The following LIMS1 variants were observed in gnomAD, a reference collection of about 807,000 sequenced individuals.
LIMS1 encodes LIM and senescent cell antigen-like-containing domain protein 1.
In LIMS1, 18 loss-of-function variants were observed where a neutral mutation model predicts 44.1. The ratio of observed to expected loss-of-function variants is 0.41; its 90% confidence interval spans 0.28 to 0.61. The LOEUF is 0.61. Among genes scored for constraint, LIMS1 ranks in the 20% least tolerant of loss-of-function variants. LIMS1 has a pLI of 0.32. For missense variants in LIMS1, 201 were observed against 422.0 expected (o/e 0.48, Z 4.59); for synonymous variants, 93 against 149.1 (o/e 0.62, Z 2.74).
At chr2:108,577,304 C>T (rs887555754) in intron 1 of LIMS1, among the ~76,000 whole-genome samples, 3 of 152,228 alleles carry the variant, frequency 2.0e-5, no homozygotes, top group Admixed American at 6.5e-5. Context: ...GTGATGAACC[C>T]GGTAAGGCCT....
At chr2:108,639,520 T>C (rs1689521158) in intron 1 of LIMS1, among the ~76,000 whole-genome samples, 1 of 152,252 alleles carries the variant, frequency 6.6e-6, no homozygotes, top group African/African-American at 2.4e-5. Flanking sequence ...TTGCGCCATC[T>C]CAGCTCATTG....
chr2:108,679,592 A>G (rs1692810277), intron 8 of LIMS1, among the ~76,000 whole-genome samples: 1 of 152,204 alleles, frequency 6.6e-6, no homozygotes, highest in Non-Finnish European at 1.5e-5. Flanking sequence ...TAGAAACAGT[A>G]TCCTGCACAT....
chr2:108,603,167 TC>T (rs1687099937), intron 1 of LIMS1, among the ~76,000 whole-genome samples: 1 of 152,192 alleles, frequency 6.6e-6, no homozygotes, highest in Non-Finnish European at 1.5e-5. Flanking sequence ...TTGGAAGTAT[TC>T]CCCTCTCCTC....
At chr2:108,621,421 G>C in intron 1 of LIMS1, 2 of 1,551,204 alleles carry the variant, frequency 1.3e-6, no homozygotes, top group South Asian at 2.4e-5. Context: ...AGATCGCCCC[G>C]ATAGTTTGAG....
intron 1 of LIMS1, among the ~76,000 whole-genome samples, chr2:108,610,857 C>T (rs1235472796): frequency 6.6e-6 from 1 of 152,104 alleles, no homozygotes; most frequent in Non-Finnish European, 1.5e-5. Flanking sequence ...TTAAAATAAA[C>T]CTTATTTTGG....
intron 1 of LIMS1, among the ~76,000 whole-genome samples, chr2:108,592,992 G>T (rs1486445144): frequency 1.3e-5 from 2 of 152,074 alleles, no homozygotes; most frequent in Non-Finnish European, 2.9e-5. Context: ...TGTAAACATG[G>T]GTGTACACAT....
intron 2 of LIMS1, among the ~76,000 whole-genome samples, chr2:108,661,511 G>A (rs918698687): frequency 3.3e-5 from 5 of 152,058 alleles, no homozygotes; most frequent in Admixed American, 3.3e-4. Flanking sequence ...AGCAGGAGAG[G>A]CCAATGTACC....
chr2:108,550,698 C>A (rs1337269689), intron 1 of LIMS1, among the ~76,000 whole-genome samples: 6 of 151,148 alleles, frequency 4.0e-5, no homozygotes, highest in Non-Finnish European at 5.9e-5. Flanking sequence ...TGCCTGTAGT[C>A]CCAGTTACTC....
At chr2:108,676,369 C>G (rs910058985) in intron 6 of LIMS1, among the ~76,000 whole-genome samples, 1 of 152,136 alleles carries the variant, frequency 6.6e-6, no homozygotes, top group African/African-American at 2.4e-5. Context: ...TACTGAGATG[C>G]TCACCTCTAT....
At chr2:108,626,916 G>A (rs577515725) in intron 1 of LIMS1, among the ~76,000 whole-genome samples, 4 of 152,290 alleles carry the variant, frequency 2.6e-5, no homozygotes, top group Admixed American at 2.0e-4. Context: ...TGCATAAAAC[G>A]TTTCAGTCAA....
chr2:108,636,097 G>A (rs1056411689), intron 1 of LIMS1, among the ~76,000 whole-genome samples: 5 of 152,214 alleles, frequency 3.3e-5, no homozygotes, highest in African/African-American at 1.2e-4. Flanking sequence ...AAAGAGTATA[G>A]GAATAGCCGC....
chr2:108,572,218 C>T (rs1377455619), intron 1 of LIMS1, among the ~76,000 whole-genome samples: 1 of 151,888 alleles, frequency 6.6e-6, no homozygotes, highest in Non-Finnish European at 1.5e-5. Context: ...ACTGTTCTCT[C>T]CCTTACTTAA....
chr2:108,599,286 A>G (rs1040079508), intron 1 of LIMS1, among the ~76,000 whole-genome samples: 7 of 152,146 alleles, frequency 4.6e-5, no homozygotes, highest in Non-Finnish European at 1.0e-4. Context: ...GTGAGAACAA[A>G]TGATGTTTGT....
exon 1 of LIMS1, chr2:108,534,431 G>C (rs1015033616): frequency 4.9e-6 from 3 of 611,176 alleles, no homozygotes; most frequent in East Asian, 5.9e-5. Flanking sequence ...CCGCGCGGCC[G>C]GCCCCTGGCC....
chr2:108,550,233 C>T (rs1383691942), intron 1 of LIMS1, among the ~76,000 whole-genome samples: 1 of 151,060 alleles, frequency 6.6e-6, no homozygotes, highest in Non-Finnish European at 1.5e-5. Flanking sequence ...CGGTGGCTCA[C>T]CCCTGTAATC....
chr2:108,654,641 T>C (rs1273825164), intron 1 of LIMS1, among the ~76,000 whole-genome samples: 2 of 152,084 alleles, frequency 1.3e-5, no homozygotes, highest in South Asian at 4.2e-4. Flanking sequence ...TTTTACAAGG[T>C]CTCCAAAAGC....
chr2:108,536,879 C>A (rs774893162), intron 1 of LIMS1, among the ~76,000 whole-genome samples: 1 of 152,190 alleles, frequency 6.6e-6, no homozygotes, highest in Non-Finnish European at 1.5e-5. Flanking sequence ...AGCCACTGTG[C>A]TCAGCCTGTC....
chr2:108,637,124 T>C (rs1689326524), intron 1 of LIMS1, among the ~76,000 whole-genome samples: 1 of 151,422 alleles, frequency 6.6e-6, no homozygotes, highest in Admixed American at 6.6e-5. Context: ...TGTGTGTGTG[T>C]GTGTGTGTGT....
At chr2:108,598,582 T>C (rs185536568) in intron 1 of LIMS1, among the ~76,000 whole-genome samples, 2,732 of 151,960 alleles carry the variant, frequency 0.018, 45 homozygotes, top group African/African-American at 0.039. Context: ...GGGTGGTGGG[T>C]GGGGAATCCT....
Sources: gnomAD v4.1 joint callset for allele counts (sites outside exome capture counted in the v4.1 genomes callset) on GRCh38, gnomAD v4.1.1 for gene constraint, MANE v1.5 for transcripts, NCBI Gene and HGNC (gene_info 2026-07-23, HGNC 2026-07-21) for gene names.